The following TBC1D15 variants were observed in gnomAD, a reference collection of about 807,000 sequenced individuals.
The protein encoded by TBC1D15 is GAP for RAB7.
Under a neutral mutation model 95.4 loss-of-function variants are expected in TBC1D15, and 39 were observed. The observed-to-expected ratio is 0.41, with a 90% CI of 0.32 to 0.53. The LOEUF (loss-of-function observed/expected upper bound fraction) is 0.53, where lower values mean the gene tolerates loss of function less well. TBC1D15 is among the 20% of genes least tolerant of loss of function. TBC1D15 has a pLI of 0.29. For synonymous variants in TBC1D15, 258 were observed against 261.3 expected, an observed-to-expected ratio of 0.99 and a Z score of 0.12; for missense variants, 733 against 794.3, an observed-to-expected ratio of 0.92 and a Z score of 0.93.
At chr12:71,860,130 A>C (rs1890062824) in intron 1 of TBC1D15, among the ~76,000 whole-genome samples, 1 of 152,150 alleles carries the variant, frequency 6.6e-6, no homozygotes. Context: ...TTTTTATGTC[A>C]GCCCCATGCT....
chr12:71,911,244 A>G (rs936910306), intron 11 of TBC1D15, among the ~76,000 whole-genome samples: 2 of 152,086 alleles, frequency 1.3e-5, no homozygotes, highest in Non-Finnish European at 2.9e-5. Context: ...AACTAGAAAT[A>G]CCATTTGACC....
At chr12:71,903,394 AG>A in intron 10 of TBC1D15, among the ~76,000 whole-genome samples, 1 of 152,348 alleles carries the variant, frequency 6.6e-6, no homozygotes, top group South Asian at 2.1e-4. Context: ...TTTAGAGAAA[AG>A]GGAATGCTTA....
chr12:71,902,589 A>G (rs1899657812), intron 10 of TBC1D15, among the ~76,000 whole-genome samples: 1 of 152,218 alleles, frequency 6.6e-6, no homozygotes, highest in Non-Finnish European at 1.5e-5. Flanking sequence ...AAGATGGATT[A>G]AAAACTTAAA....
At position 71,920,772 on chromosome 12, in the gene TBC1D15, T is replaced by A. The variant is rs113500080; in HGVS notation, c.1641T>A (p.Leu547=). ...TACCATGTACAAATTTCCATCTTCT[T>A]CTCTGTTGTGCTATTCTGGAATCAG... ...TELPCTNFHL[L]LCCAILESEK... The change falls in exon 15 of 17, where the codon CTT becomes CTA. Residue 547 remains leucine, a synonymous_variant. Coordinates refer to ENST00000485960, the MANE Select transcript of TBC1D15 (RefSeq NM_001146213.3). The A allele has an allele frequency of 2.1e-3, 3,369 of 1,613,002 alleles. 27 individuals carry two copies. In the African/African-American group the frequency reaches 0.022, roughly 10 times the overall value.
chr12:71,861,577 G>T, intron 1 of TBC1D15: 1 of 1,295,972 alleles, frequency 7.7e-7, no homozygotes, highest in Non-Finnish European at 1.0e-6. Flanking sequence ...TTTTATTTGG[G>T]TCTTTTCACT....
chr12:71,872,084 A>G lies in TBC1D15; in HGVS notation c.45A>G (p.Gln15=), dbSNP rs1452571006. The stretch of plus-strand genomic sequence containing the variant: ...TGCTGTTTTAGATTATATATGAACA[A>G]GAAGGAGTATATATTCACTCATCTT... ...GVVSGKIIYE[Q]EGVYIHSSCG... Residue 15 remains glutamine, a synonymous_variant, in exon 2 of 17, where the codon CAA becomes CAG. Transcript: ENST00000485960. The G allele has an allele frequency of 2.0e-6, 3 of 1,530,554 alleles. No homozygotes were observed. The highest frequency in any genetic ancestry group is 1.8e-6 in the Non-Finnish European group (2 of 1,138,888). The allele number at this position is 1,530,554 out of a possible 1,614,324, so 94.8% of individuals were successfully genotyped here. A position where few individuals can be genotyped will look rare whatever the true frequency, so the allele number is the denominator to read the frequency against.
chr12:71,843,312 T>G (rs986696476), intron 1 of TBC1D15, among the ~76,000 whole-genome samples: 2 of 150,990 alleles, frequency 1.3e-5, no homozygotes, highest in African/African-American at 2.4e-5. Flanking sequence ...AAATCAGCTG[T>G]TTTTTTTTCT....
chr12:71,894,107 G>A lies in TBC1D15; in HGVS notation c.658-579G>A, dbSNP rs60972404. Among the ~76,000 whole-genome samples, 70 of 152,112 alleles carry A rather than the reference G, an allele frequency of 4.6e-4. No individual in the cohort carries two copies. The East Asian group carries it at 0.013, about 28-fold the overall frequency. Reference sequence around the variant, plus strand: ...TGAGCAAATAGTTTGGGCTTCAGAAGTTACCCTGGCACTTAACAGTAGAAA... The same window carrying A: ...TGAGCAAATAGTTTGGGCTTCAGAAATTACCCTGGCACTTAACAGTAGAAA... On this transcript the variant is annotated intron_variant, in intron 6 of 16. Transcript: ENST00000485960.
intron 1 of TBC1D15, among the ~76,000 whole-genome samples, chr12:71,870,288 T>A (rs1038097332): frequency 2.0e-5 from 3 of 152,306 alleles, no homozygotes; most frequent in Middle Eastern, 6.8e-3. Context: ...TAAATAATAC[T>A]GCTGTGAATA....
At chr12:71,918,763 G>C (rs1192736083) in intron 14 of TBC1D15, among the ~76,000 whole-genome samples, 1 of 152,182 alleles carries the variant, frequency 6.6e-6, no homozygotes, top group Non-Finnish European at 1.5e-5. Flanking sequence ...ATCTCTGTGA[G>C]ATTTGGGGCC....
intron 10 of TBC1D15, among the ~76,000 whole-genome samples, chr12:71,900,506 G>A (rs1899135784): frequency 6.6e-6 from 1 of 152,036 alleles, no homozygotes; most frequent in African/African-American, 2.4e-5. Context: ...GCATAAATGG[G>A]TTTAAATCAC....
At chr12:71,877,843 C>T (rs975921141) in intron 3 of TBC1D15, among the ~76,000 whole-genome samples, 4 of 152,106 alleles carry the variant, frequency 2.6e-5, no homozygotes, top group African/African-American at 4.8e-5. Context: ...TGCTCTGCCC[C>T]CACCTCATTT....
intron 16 of TBC1D15, among the ~76,000 whole-genome samples, chr12:71,921,767 A>AT (rs756719770): frequency 3.3e-5 from 5 of 152,252 alleles, no homozygotes; most frequent in Non-Finnish European, 7.3e-5. Context: ...ATAGGCTGTC[A>AT]TATTAAATAT....
intron 12 of TBC1D15, 46 bp downstream of exon 12, chr12:71,913,972 G>A (rs746581844): frequency 6.4e-6 from 9 of 1,416,444 alleles, no homozygotes; most frequent in Non-Finnish European, 8.7e-6. Flanking sequence ...TAAAATTTTA[G>A]TTGTATAATT....
chr12:71,920,465 G>A (rs2139110637), intron 14 of TBC1D15, among the ~76,000 whole-genome samples: 1 of 152,100 alleles, frequency 6.6e-6, no homozygotes, highest in Middle Eastern at 3.4e-3. Context: ...TTATCATACT[G>A]GTTAGGCTCA....
At chr12:71,916,952 A>G (rs1412276195) in intron 12 of TBC1D15, among the ~76,000 whole-genome samples, 5 of 151,912 alleles carry the variant, frequency 3.3e-5, no homozygotes, top group African/African-American at 1.2e-4. Context: ...ATACTGAGAA[A>G]CTTGTATTCA....
chr12:71,861,538 G>GT, intron 1 of TBC1D15: 1 of 1,455,574 alleles, frequency 6.9e-7, no homozygotes, highest in Non-Finnish European at 9.1e-7. Flanking sequence ...TCTGTGGTAT[G>GT]TTTTAATGTA....
At chr12:71,843,956 T>C (rs1409716045) in intron 1 of TBC1D15, among the ~76,000 whole-genome samples, 1 of 152,162 alleles carries the variant, frequency 6.6e-6, no homozygotes, top group Non-Finnish European at 1.5e-5. Context: ...TAGTCATTAC[T>C]CATTAACACA....
chr12:71,923,543 G>T lies in TBC1D15; in HGVS notation c.*339G>T. On this transcript the variant is annotated 3_prime_UTR_variant, in exon 17 of 17. Transcript: ENST00000485960. ...AACATTCACTTTGTTTAAGCTTATTGGGTTTCAGATTTGATTAAATTAAAT... is the reference window on the plus strand; with the variant it reads ...AACATTCACTTTGTTTAAGCTTATTTGGTTTCAGATTTGATTAAATTAAAT... The T allele has an allele frequency of 5.0e-6, 1 of 200,702 alleles. No homozygotes were observed. Among genetic ancestry groups the T allele is most frequent in the South Asian group, 1.1e-4 (1 of 9,130 alleles). 12.4% of individuals were successfully genotyped at this position (200,702 alleles called of 1,614,324 possible). A position where few individuals can be genotyped will look rare whatever the true frequency, so the allele number is the denominator to read the frequency against.
Sources: allele counts gnomAD v4.1 joint callset (sites outside exome capture counted in the v4.1 genomes callset), GRCh38; gene constraint gnomAD v4.1.1; transcripts MANE v1.5; gene names NCBI Gene and HGNC (gene_info 2026-07-23, HGNC 2026-07-21).